SDK1: variants seen among roughly 807,000 people sequenced by gnomAD.
SDK1 encodes protein sidekick-1.
In SDK1, 157 loss-of-function variants were observed where a neutral mutation model predicts 245.5. That is an observed-to-expected ratio of 0.64 (90% CI 0.56 to 0.73). The LOEUF (loss-of-function observed/expected upper bound fraction) is 0.73. SDK1 is among the 30% of genes least tolerant of loss of function. The pLI is 0.00. For missense variants in SDK1, 3,583 were observed against 3,002.3 expected, an observed-to-expected ratio of 1.19 and a Z score of -4.52; for synonymous variants, 1,647 against 1,278.5, an observed-to-expected ratio of 1.29 and a Z score of -6.15.
intron 1 of SDK1, among the ~76,000 whole-genome samples, chr7:3,557,915 C>G (rs747838258): frequency 8.5e-5 from 13 of 152,064 alleles, no homozygotes; most frequent in Non-Finnish European, 1.8e-4. Flanking sequence ...GTAGATCATA[C>G]CATATGTAAA....
Position 3,486,008 on chromosome 7 carries a change from T to C in SDK1, c.299-133072T>C, listed in dbSNP as rs139049608. Among the ~76,000 whole-genome samples the C allele has an allele frequency of 6.3e-3, 960 of 152,116 alleles. 10 individuals are homozygous for C. Among genetic ancestry groups the C allele is most frequent in the Admixed American group, 9.9e-3 (151 of 15,266 alleles). On this transcript the variant is annotated intron_variant, in intron 1 of 44. Transcript: ENST00000404826. ...GACAGTTTATATAATATTGGACAGTTTATATAATATTGGTTTTATCTATTT... is the reference window on the plus strand; with the variant it reads ...GACAGTTTATATAATATTGGACAGTCTATATAATATTGGTTTTATCTATTT...
chr7:3,509,021 G>T (rs1782490588), intron 1 of SDK1, among the ~76,000 whole-genome samples: 4 of 152,128 alleles, frequency 2.6e-5, no homozygotes, highest in African/African-American at 9.7e-5. Flanking sequence ...TAGCAGGCAG[G>T]CAGCAGTTGT....
chr7:4,214,287 C>G (rs570235177), intron 38 of SDK1, among the ~76,000 whole-genome samples: 7 of 152,178 alleles, frequency 4.6e-5, no homozygotes, highest in African/African-American at 1.7e-4. Context: ...TTCACTAAAG[C>G]GTTTTATATT....
intron 1 of SDK1, among the ~76,000 whole-genome samples, chr7:3,513,026 A>G (rs1782630969): frequency 6.6e-6 from 1 of 152,182 alleles, no homozygotes; most frequent in Admixed American, 6.6e-5. Flanking sequence ...CTTAGAGCAT[A>G]TCCTAGAAGC....
At chr7:3,449,507 T>G (rs13221852) in intron 1 of SDK1, among the ~76,000 whole-genome samples, 62,786 of 152,034 alleles carry the variant, frequency 0.41, 14,453 homozygotes, top group East Asian at 0.51. Flanking sequence ...TGAGAAGATT[T>G]GACTATATGT....
intron 5 of SDK1, among the ~76,000 whole-genome samples, chr7:3,844,136 G>A (rs1357842917): frequency 6.6e-6 from 1 of 152,056 alleles, no homozygotes; most frequent in African/African-American, 2.4e-5. Context: ...ATGCCCAGCT[G>A]ATTTTTGTAT....
intron 5 of SDK1, among the ~76,000 whole-genome samples, chr7:3,855,647 TG>T (rs1444037288): frequency 3.9e-5 from 6 of 152,072 alleles, no homozygotes; most frequent in Non-Finnish European, 8.8e-5. Flanking sequence ...TAAGGGAATG[TG>T]GGGGAGGTAA....
Position 3,519,831 on chromosome 7 carries a change from T to C in SDK1, c.299-99249T>C, listed in dbSNP as rs557401695. 3.9e-5 allele frequency among the ~76,000 whole-genome samples: 6 copies of C among 152,256 alleles called. No homozygotes were observed. The South Asian group carries it at 1.2e-3, about 32-fold the overall frequency. The stretch of plus-strand genomic sequence containing the variant: ...CTAGCCTTCTGTAATGCTAAACTTA[T>C]AAGAAGTATAATTCTATTTTAGTAA... On this transcript the variant is annotated intron_variant, in intron 1 of 44. Coordinates refer to ENST00000404826, the MANE Select transcript of SDK1 (RefSeq NM_152744.4).
chr7:3,558,628 C>A (rs543166094), intron 1 of SDK1, among the ~76,000 whole-genome samples: 1 of 152,318 alleles, frequency 6.6e-6, no homozygotes, highest in South Asian at 2.1e-4. Context: ...AGGGGCAATG[C>A]AGACACAGCT....
Position 4,139,191 on chromosome 7 carries a change from A to AC in SDK1, c.4229-6531_4229-6530insC, listed in dbSNP as rs200972636. ...CGTGTCACTTCTCTACCCACCCCCC[A>AC]TTTCCTGGAGTGACCTCCCAAATCG... On this transcript the variant is annotated intron_variant, in intron 28 of 44. Transcript: ENST00000404826. 7.2e-5 allele frequency among the ~76,000 whole-genome samples: 11 copies of AC among 151,890 alleles called. No individual in the cohort carries two copies. In the East Asian group the frequency reaches 1.9e-3, roughly 27 times the overall value.
At chr7:4,252,012 T>G (rs766372104) in intron 44 of SDK1, among the ~76,000 whole-genome samples, 2 of 152,262 alleles carry the variant, frequency 1.3e-5, no homozygotes, top group Non-Finnish European at 2.9e-5. Flanking sequence ...TAAACCAACC[T>G]TGCATTCCTG....
intron 17 of SDK1, among the ~76,000 whole-genome samples, chr7:4,045,178 A>G (rs2128164127): frequency 6.6e-6 from 1 of 152,288 alleles, no homozygotes; most frequent in South Asian, 2.1e-4. Flanking sequence ...ATTGGTTTAA[A>G]AACATTTAGG....
chr7:3,365,217 G>A (rs1397956747), intron 1 of SDK1, among the ~76,000 whole-genome samples: 1 of 152,188 alleles, frequency 6.6e-6, no homozygotes, highest in Non-Finnish European at 1.5e-5. Flanking sequence ...TAGATTGTTT[G>A]CTAGAGAATG....
intron 1 of SDK1, among the ~76,000 whole-genome samples, chr7:3,344,709 T>G (rs552452250): frequency 3.9e-4 from 60 of 152,340 alleles, no homozygotes; most frequent in African/African-American, 1.2e-3. Context: ...ATAGCACGTT[T>G]CAATCAGATG....
chr7:3,572,947 GGA>G (rs1298944620), intron 1 of SDK1, among the ~76,000 whole-genome samples: 1 of 152,040 alleles, frequency 6.6e-6, no homozygotes, highest in East Asian at 1.9e-4. Flanking sequence ...AATAGGAGGT[GGA>G]GAGAGAGGTG....
intron 22 of SDK1, among the ~76,000 whole-genome samples, chr7:4,101,235 G>A (rs1276165239): frequency 1.3e-5 from 2 of 149,832 alleles, no homozygotes; most frequent in Non-Finnish European, 3.0e-5. Context: ...TCCGCCTCCC[G>A]GGTTCACACC....
chr7:3,771,121 A>C (rs1780395273), intron 4 of SDK1, among the ~76,000 whole-genome samples: 1 of 152,088 alleles, frequency 6.6e-6, no homozygotes, highest in African/African-American at 2.4e-5. Flanking sequence ...TTTGGAGATC[A>C]ACTGGCTATG....
intron 5 of SDK1, among the ~76,000 whole-genome samples, chr7:3,931,164 T>A (rs542947071): frequency 6.6e-6 from 1 of 152,342 alleles, no homozygotes; most frequent in Admixed American, 6.5e-5. Flanking sequence ...GGGCACCCCA[T>A]GGACGAGCAG....
chr7:3,818,492 C>G (rs547226840), intron 4 of SDK1, among the ~76,000 whole-genome samples: 1 of 152,194 alleles, frequency 6.6e-6, no homozygotes, highest in Admixed American at 6.5e-5. Context: ...CTCAGACTAA[C>G]CACTGTTAAC....
Sources: allele counts gnomAD v4.1 joint callset (sites outside exome capture counted in the v4.1 genomes callset), GRCh38; gene constraint gnomAD v4.1.1; transcripts MANE v1.5; gene names NCBI Gene and HGNC (gene_info 2026-07-23, HGNC 2026-07-21).